COA1: variants seen among roughly 807,000 people sequenced by gnomAD.
COA1 encodes cytochrome c oxidase assembly factor 1.
COA1 carries 13 observed loss-of-function variants against 16.0 expected under a neutral mutation model. The observed-to-expected ratio is 0.81, with a 90% CI of 0.53 to 1.29. COA1 has a LOEUF of 1.29. Ranked by LOEUF, COA1 falls within the 50% of genes most tolerant of loss-of-function variation. COA1 has a pLI of 0.00. For synonymous variants in COA1, 65 were observed against 65.7 expected (o/e 0.99, Z 0.05); for missense variants, 179 against 177.0 (o/e 1.01, Z -0.06).
intron 1 of COA1, among the ~76,000 whole-genome samples, chr7:43,705,920 C>A (rs1263059766): frequency 6.6e-6 from 1 of 152,122 alleles, no homozygotes; most frequent in African/African-American, 2.4e-5. Flanking sequence ...CAACCCTGTG[C>A]AGGGTTTCCA....
rs1364354936 is a variant in COA1, at chr7:43,729,416, G to A, written c.-39+13C>T. The A allele has an allele frequency of 6.6e-6, 1 of 152,286 alleles. No individual in the cohort carries two copies. Among genetic ancestry groups the A allele is most frequent in the Non-Finnish European group, 1.5e-5 (1 of 68,092 alleles). The allele number at this position is 152,286 out of a possible 1,614,324, so 9.4% of individuals were successfully genotyped here. A position where few individuals can be genotyped will look rare whatever the true frequency, so the allele number is the denominator to read the frequency against. ...GGGGGAAGACGGAGACTCTTATACC[G>A]CGGGAGACTAACCTGTGAGCAACAG... On this transcript the variant is annotated intron_variant, in intron 1 of 5. Transcript: ENST00000223336.
chr7:43,627,442 GAC>G (rs1302495070), intron 6 of COA1, among the ~76,000 whole-genome samples: 2 of 152,094 alleles, frequency 1.3e-5, no homozygotes, highest in African/African-American at 4.8e-5. Flanking sequence ...GGTGGTGCGT[GAC>G]TCAGTCCATA....
At chr7:43,713,065 G>A (rs1368072998) in intron 1 of COA1, among the ~76,000 whole-genome samples, 1 of 152,118 alleles carries the variant, frequency 6.6e-6, no homozygotes, top group Admixed American at 6.6e-5. Context: ...CAATTCTCCT[G>A]CCTCAGCCTC....
intron 1 of COA1, among the ~76,000 whole-genome samples, chr7:43,683,526 C>A (rs570321557): frequency 6.6e-6 from 1 of 151,980 alleles, no homozygotes; most frequent in African/African-American, 2.4e-5. Flanking sequence ...CCCAGCTACT[C>A]GGGAGTCTGA....
At chr7:43,650,764 C>CT (rs2090580311) in intron 1 of COA1, 1 of 151,370 alleles carries the variant, frequency 6.6e-6, no homozygotes, top group African/African-American at 2.4e-5. Context: ...TTCCAAATGA[C>CT]TATGTTTTAT....
chr7:43,613,306 C>T (rs2083048511), intron 6 of COA1, among the ~76,000 whole-genome samples: 1 of 152,118 alleles, frequency 6.6e-6, no homozygotes, highest in African/African-American at 2.4e-5. Context: ...TGAATCCACA[C>T]AAATGAGGTG....
At chr7:43,721,415 GAGATA>G (rs2132139949) in intron 1 of COA1, among the ~76,000 whole-genome samples, 1 of 152,244 alleles carries the variant, frequency 6.6e-6, no homozygotes, top group Non-Finnish European at 1.5e-5. Context: ...CCTGTTGGAA[GAGATA>G]ACTAGCCAAA....
intron 6 of COA1, chr7:43,619,797 G>T: frequency 1.3e-6 from 2 of 1,533,220 alleles, no homozygotes; most frequent in South Asian, 2.5e-5. Flanking sequence ...CATGTGGCAT[G>T]ACTCATAGTG....
intron 1 of COA1, among the ~76,000 whole-genome samples, chr7:43,726,611 A>T (rs1585622633): frequency 6.6e-6 from 1 of 152,148 alleles, no homozygotes; most frequent in South Asian, 2.1e-4. Flanking sequence ...AATGCTCCTC[A>T]CGGGTTCTTT....
chr7:43,644,759 T>TAGATAGATAGATAGGCAGGC (rs1232562622), intron 4 of COA1, among the ~76,000 whole-genome samples: 1 of 114,616 alleles, frequency 8.7e-6, no homozygotes, highest in East Asian at 2.3e-4. Flanking sequence ...GATAGATAGA[T>TAGATAGATAGATAGGCAGGC]AGGCAGGCAG....
At chr7:43,650,992 G>T (rs113187676) in intron 1 of COA1, among the ~76,000 whole-genome samples, 1,578 of 152,120 alleles carry the variant, frequency 0.01, 30 homozygotes, top group African/African-American at 0.036. Context: ...GGGGCAGCAG[G>T]GGCTCCTTTT....
intron 1 of COA1, among the ~76,000 whole-genome samples, chr7:43,675,787 C>T (rs2129911544): frequency 6.6e-6 from 1 of 152,174 alleles, no homozygotes; most frequent in Non-Finnish European, 1.5e-5. Context: ...GCTACTGGTT[C>T]AAGAGAACTT....
At chr7:43,692,501 C>T (rs576944630) in intron 1 of COA1, among the ~76,000 whole-genome samples, 1 of 151,958 alleles carries the variant, frequency 6.6e-6, no homozygotes, top group East Asian at 1.9e-4. Context: ...CTAGGCAACA[C>T]AGCAAGACCC....
At chr7:43,688,868 T>C (rs1211806582) in intron 1 of COA1, among the ~76,000 whole-genome samples, 1 of 152,254 alleles carries the variant, frequency 6.6e-6, no homozygotes, top group African/African-American at 2.4e-5. Context: ...CAACTTTCAC[T>C]AATCTTAATA....
At chr7:43,655,038 A>ATCCAAATT in intron 1 of COA1, among the ~76,000 whole-genome samples, 1 of 151,974 alleles carries the variant, frequency 6.6e-6, no homozygotes, top group South Asian at 2.1e-4. Context: ...TTGAAAAAAA[A>ATCCAAATT]TCCAAATTCC....
intron 1 of COA1, among the ~76,000 whole-genome samples, chr7:43,720,589 G>T (rs2132114146): frequency 6.6e-6 from 1 of 152,300 alleles, no homozygotes; most frequent in Admixed American, 6.5e-5. Context: ...TTAGGAAGCA[G>T]TATATCTAGG....
downstream of COA1, among the ~76,000 whole-genome samples, chr7:43,636,635 AT>A (rs1275539983): frequency 6.6e-6 from 1 of 152,158 alleles, no homozygotes; most frequent in East Asian, 1.9e-4. Context: ...TGTATATGTA[AT>A]TTTAGTGTCA....
At chr7:43,653,539 A>G (rs1208230602) in intron 1 of COA1, among the ~76,000 whole-genome samples, 2 of 152,170 alleles carry the variant, frequency 1.3e-5, no homozygotes, top group African/African-American at 4.8e-5. Context: ...TGACTTTTTA[A>G]CCACATTTTG....
At chr7:43,632,930 C>T (rs1456025496) in intron 6 of COA1, 1 of 152,176 alleles carries the variant, frequency 6.6e-6, no homozygotes, top group East Asian at 1.9e-4. Context: ...TAAACAGACC[C>T]AACGTCATCC....
Sources: allele counts gnomAD v4.1 joint callset (sites outside exome capture counted in the v4.1 genomes callset), GRCh38; gene constraint gnomAD v4.1.1; transcripts MANE v1.5; gene names NCBI Gene and HGNC (gene_info 2026-07-23, HGNC 2026-07-21).